Variants in UBE2E2 observed in about 807,000 individuals in gnomAD.
The protein encoded by UBE2E2 is ubiquitin conjugating enzyme E2 E2.
In UBE2E2, 6 loss-of-function variants were observed where a neutral mutation model predicts 24.7. The ratio of observed to expected loss-of-function variants is 0.24; its 90% CI spans 0.13 to 0.48. The LOEUF is 0.48. Ranked by LOEUF, UBE2E2 falls within the 20% of genes least tolerant of loss-of-function variation. The pLI, the probability that UBE2E2 is intolerant of heterozygous loss-of-function variation, is 0.99. For missense variants in UBE2E2, 169 were observed against 245.0 expected, an observed-to-expected ratio of 0.69 and a Z score of 2.07; for synonymous variants, 104 against 83.6, an observed-to-expected ratio of 1.24 and a Z score of -1.33.
intron 5 of UBE2E2, among the ~76,000 whole-genome samples, chr3:23,582,619 T>G (rs1696509830): frequency 6.6e-6 from 1 of 152,328 alleles, no homozygotes; most frequent in Non-Finnish European, 1.5e-5. Context: ...TGATGATATC[T>G]CATTTTGGTT....
At chr3:23,356,135 C>T (rs1331924822) in intron 3 of UBE2E2, among the ~76,000 whole-genome samples, 1 of 152,148 alleles carries the variant, frequency 6.6e-6, no homozygotes, top group Non-Finnish European at 1.5e-5. Flanking sequence ...GCTACTGGTA[C>T]AGCAAGTCAG....
chr3:23,492,099 G>A (rs1699509473), intron 3 of UBE2E2, among the ~76,000 whole-genome samples: 1 of 152,166 alleles, frequency 6.6e-6, no homozygotes, highest in African/African-American at 2.4e-5. Context: ...CCCCTAAGTA[G>A]GCAGACATTG....
At chr3:23,409,852 T>TA (rs1697457950) in intron 3 of UBE2E2, among the ~76,000 whole-genome samples, 1 of 152,176 alleles carries the variant, frequency 6.6e-6, no homozygotes, top group Admixed American at 6.5e-5. Flanking sequence ...GTATTGGTGT[T>TA]ACTCCAATCT....
chr3:23,410,912 T>A (rs552752158), intron 3 of UBE2E2, among the ~76,000 whole-genome samples: 15 of 152,276 alleles, frequency 9.9e-5, no homozygotes, highest in African/African-American at 3.6e-4. Context: ...TGAAAAACAC[T>A]TAAAGAAGCG....
In UBE2E2 at chr3:23,292,455, G is replaced by A. The variant is rs1698794502; in HGVS notation, c.227+75143G>A. ...AAGAAGTTAAGAAATTAGTTTGTGG[G>A]CCATTCTTGAAGCCAGTGACACTAC... is the stretch of plus-strand genomic sequence containing the variant. On this transcript the variant is annotated intron_variant, in intron 3 of 5. Transcript: ENST00000396703. Among the ~76,000 whole-genome samples the A allele has an allele frequency of 5.3e-5, 8 of 152,008 alleles. No individual in the cohort carries two copies. In the South Asian group the frequency reaches 1.5e-3, roughly 28 times the overall value.
At chr3:23,446,205 C>A (rs1253210095) in intron 3 of UBE2E2, among the ~76,000 whole-genome samples, 1 of 152,122 alleles carries the variant, frequency 6.6e-6, no homozygotes, top group Non-Finnish European at 1.5e-5. Context: ...CCTCCAGGAT[C>A]AAAGAAGGTC....
chr3:23,422,376 G>C (rs1196334908), intron 3 of UBE2E2, among the ~76,000 whole-genome samples: 1 of 152,158 alleles, frequency 6.6e-6, no homozygotes, highest in Non-Finnish European at 1.5e-5. Context: ...CCCATCTGAA[G>C]GAAGAATCTA....
In UBE2E2 at chr3:23,589,819, G is replaced by A. The variant is rs1487147844; in HGVS notation, c.594G>A (p.Arg198=). 3.1e-6 allele frequency: 5 copies of A among 1,614,162 alleles called. No individual in the cohort carries two copies. The highest frequency in any genetic ancestry group is 1.7e-5 in the Admixed American group (1 of 60,030). ...HDRMARQWTK[R]YAT ...GGATGGCCAGACAGTGGACCAAGCG[G>A]TACGCCACATAGGGGCCTGCTGCCT... is the stretch of plus-strand genomic sequence containing the variant. Residue 198 remains arginine (R), a synonymous_variant, in exon 6 of 6, where the codon CGG becomes CGA. Transcript: ENST00000396703. This position sits in a 1 kb window ranked among gnomAD's most constrained non-coding sequence, Gnocchi z 4.1.
chr3:23,438,693 T>A (rs1698234703), intron 3 of UBE2E2, among the ~76,000 whole-genome samples: 1 of 152,232 alleles, frequency 6.6e-6, no homozygotes, highest in Non-Finnish European at 1.5e-5. Context: ...CATGGTTTGA[T>A]ATATGCTTGA....
chr3:23,241,598 G>T (rs1697261812), intron 3 of UBE2E2, among the ~76,000 whole-genome samples: 1 of 151,782 alleles, frequency 6.6e-6, no homozygotes, highest in Admixed American at 6.6e-5. Context: ...ATGTCATCTC[G>T]GTGAGGCTAA....
chr3:23,399,531 C>T (rs1697165909), intron 3 of UBE2E2, among the ~76,000 whole-genome samples: 1 of 152,028 alleles, frequency 6.6e-6, no homozygotes, highest in African/African-American at 2.4e-5. Context: ...TGTGGTTTTG[C>T]CATTTTAATG....
chr3:23,403,801 C>A (rs1173705043), intron 3 of UBE2E2, among the ~76,000 whole-genome samples: 2 of 137,152 alleles, frequency 1.5e-5, no homozygotes, highest in African/African-American at 6.0e-5. Context: ...AAGTGAGATT[C>A]CGTCTCCAAA....
intron 3 of UBE2E2, among the ~76,000 whole-genome samples, chr3:23,481,241 G>A (rs2125442292): frequency 6.6e-6 from 1 of 152,254 alleles, no homozygotes; most frequent in Middle Eastern, 3.4e-3. Context: ...TTTTGTTTCA[G>A]CTTTAACATT....
intron 3 of UBE2E2, among the ~76,000 whole-genome samples, chr3:23,325,511 A>G (rs1420401092): frequency 1.3e-5 from 2 of 152,198 alleles, no homozygotes; most frequent in Non-Finnish European, 2.9e-5. Context: ...AAAACATTAG[A>G]TATATTTAAT....
intron 5 of UBE2E2, among the ~76,000 whole-genome samples, chr3:23,565,234 A>G (rs1270625045): frequency 6.6e-6 from 1 of 152,082 alleles, no homozygotes; most frequent in Non-Finnish European, 1.5e-5. Context: ...GAGTCAAGGT[A>G]TATGAACGTG....
At chr3:23,303,158 A>G (rs1363736477) in intron 3 of UBE2E2, among the ~76,000 whole-genome samples, 4 of 152,026 alleles carry the variant, frequency 2.6e-5, no homozygotes, top group Non-Finnish European at 5.9e-5. Flanking sequence ...CTTGCTCCTT[A>G]TTAGAATCTA....
intron 3 of UBE2E2, among the ~76,000 whole-genome samples, chr3:23,313,765 A>C (rs1289323059): frequency 6.6e-6 from 1 of 152,000 alleles, no homozygotes; most frequent in African/African-American, 2.4e-5. Context: ...GTTGTTACTG[A>C]TAAGTAAGGA....
chr3:23,291,849 A>ATTTTTTTTTTTTTTTTTTTT (rs57708620), intron 3 of UBE2E2, among the ~76,000 whole-genome samples: 3 of 64,036 alleles, frequency 4.7e-5, no homozygotes, highest in African/African-American at 1.4e-4. Context: ...TGCCCGGCTA[A>ATTTTTTTTTTTTTTTTTTTT]TTTTTTTTTT....
intron 3 of UBE2E2, among the ~76,000 whole-genome samples, chr3:23,314,280 C>A (rs982766508): frequency 2.0e-5 from 3 of 152,110 alleles, no homozygotes; most frequent in African/African-American, 7.2e-5. Context: ...AGGTGCACAC[C>A]ACCATGCCTG....
Sources: gnomAD v4.1 joint callset for allele counts (sites outside exome capture counted in the v4.1 genomes callset) on GRCh38, gnomAD v4.1.1 for gene constraint, Gnocchi (gnomAD v3.1) non-coding constraint, MANE v1.5 for transcripts, NCBI Gene and HGNC (gene_info 2026-07-23, HGNC 2026-07-21) for gene names.